The following CFAP74 variants were observed in gnomAD, a reference collection of about 807,000 sequenced individuals.
CFAP74 encodes cilia and flagella associated protein 74.
Under a neutral mutation model 188.9 loss-of-function variants are expected in CFAP74, and 124 were observed. The ratio of observed to expected loss-of-function variants is 0.66; its 90% CI spans 0.57 to 0.76. The LOEUF (loss-of-function observed/expected upper bound fraction) is 0.76. CFAP74 is among the 30% of genes least tolerant of loss of function. The probability of loss-of-function intolerance (pLI) is 0.00; values close to 1 mark genes in which losing one functional copy is unlikely to be tolerated. For missense variants in CFAP74, 2,198 were observed against 2,165.2 expected (o/e 1.02, Z -0.30); for synonymous variants, 956 against 916.7 (o/e 1.04, Z -0.77).
chr1:1,971,439 A>C (rs913854224), intron 9 of CFAP74, among the ~76,000 whole-genome samples: 1 of 152,166 alleles, frequency 6.6e-6, no homozygotes, highest in African/African-American at 2.4e-5. Flanking sequence ...GCAAACGTGC[A>C]CACACACATG....
intron 20 of CFAP74, among the ~76,000 whole-genome samples, chr1:1,945,947 G>A (rs1653731669): frequency 6.9e-6 from 1 of 144,432 alleles, no homozygotes; most frequent in Admixed American, 6.9e-5. Flanking sequence ...GTGTGTGTGG[G>A]GGCTCTGTGT....
Position 1,926,873 on chromosome 1 carries a change from T to C in CFAP74, c.3662+21A>G, listed in dbSNP as rs772990945. 7.7e-6 allele frequency: 12 copies of C among 1,549,868 alleles called. No individual in the cohort carries two copies. In the East Asian group the frequency reaches 2.2e-4, roughly 28 times the overall value. On this transcript the variant is annotated intron_variant, in intron 29 of 38. Coordinates refer to ENST00000682832, the MANE Select transcript of CFAP74 (RefSeq NM_001304360.2). ...GCGTTTGCGGCTGACCACACCCTGT[T>C]CTGGCCAGAGCACCCCGCACCTGAA...
At chr1:1,982,219 G>A (rs4648604) in intron 6 of CFAP74, among the ~76,000 whole-genome samples, 7 of 146,104 alleles carry the variant, frequency 4.8e-5, no homozygotes, top group Non-Finnish European at 9.1e-5. Flanking sequence ...GTGGTCACAC[G>A]CGGGGACACG....
Position 1,959,978 on chromosome 1 carries a change from T to A in CFAP74, c.1747A>T (p.Thr583Ser), listed in dbSNP as rs761505834. The change falls in exon 15 of 39, where the codon ACC becomes TCC. Residue 583 changes from threonine to serine, a missense_variant. By Grantham distance (58) the Thr-to-Ser change is moderately conservative. Transcript: ENST00000682832. ...SAGMSCEVLV[T>S]FKPMINKDLE... ...CTCTGACTCACCATCGGCTTGAAGG[T>A]GACAAGCACTTCACAGGACATTCCG... 1.9e-6 allele frequency: 3 copies of A among 1,592,136 alleles called. No individual in the cohort carries two copies. Among genetic ancestry groups the A allele is most frequent in the Non-Finnish European group, 2.6e-6 (3 of 1,170,458 alleles).
chr1:1,964,780 A>T, intron 13 of CFAP74, 108 bp downstream of exon 13: 1 of 1,161,828 alleles, frequency 8.6e-7, no homozygotes, highest in Non-Finnish European at 1.2e-6. Context: ...ACAGAGTGAG[A>T]CTCCATCTCA....
rs762324820 is a variant in CFAP74 at position 1,959,958 on chromosome 1, A to ACTCACCATC, written c.1758_1761+5dup. ...CTTCGAGAGAGAACGGGCCCCTCTG[A>ACTCACCATC]CTCACCATCGGCTTGAAGGTGACAA... On this transcript the variant is annotated splice_donor_region_variant and intron_variant, in intron 15 of 38. Transcript: ENST00000682832. The ACTCACCATC allele has an allele frequency of 5.7e-6, 9 of 1,584,472 alleles. No homozygotes were observed. The South Asian group carries it at 1.0e-4, about 18-fold the overall frequency.
chr1:1,930,411 T>G, intron 25 of CFAP74, 75 bp from the exon 26 acceptor site: 3 of 1,398,088 alleles, frequency 2.1e-6, no homozygotes, highest in Non-Finnish European at 1.9e-6. Flanking sequence ...CGGGGGCCAC[T>G]GGGTGGAGGA....
rs1485845264 is a variant in CFAP74, at chr1:1,926,210, G to A, written c.3948+18C>T. The stretch of plus-strand genomic sequence containing the variant: ...GAGCCTTGGGCCGCAGTGTGGCCAG[G>A]GTGGGCCTGGGACTCACCAGGATGC... On this transcript the variant is annotated intron_variant, in intron 32 of 38. Transcript: ENST00000682832. 6.7e-7 allele frequency: 1 copy of A among 1,485,098 alleles called. No individual in the cohort carries two copies. The highest frequency in any genetic ancestry group is 1.4e-5 in the African/African-American group (1 of 71,090). 92.0% of individuals were successfully genotyped at this position (1,485,098 alleles called of 1,614,324 possible). A position where few individuals can be genotyped will look rare whatever the true frequency, so the allele number is the denominator to read the frequency against.
chr1:1,969,570 G>T (rs976504424), intron 10 of CFAP74, among the ~76,000 whole-genome samples: 4 of 152,162 alleles, frequency 2.6e-5, no homozygotes, highest in African/African-American at 4.8e-5. Flanking sequence ...GGCTGGCGTG[G>T]GGCTGCCACT....
In CFAP74 at chr1:1,987,024, C is replaced by G; in HGVS notation, c.308G>C (p.Arg103Pro). 1 of 1,597,612 alleles carries G rather than the reference C, an allele frequency of 6.3e-7. No individual in the cohort carries two copies. The highest frequency in any genetic ancestry group is 8.5e-7 in the Non-Finnish European group (1 of 1,176,154). ...LFTEKMRGEL[R>P]ACRQRRDLID... is the part of the protein sequence containing the mutation. ...CAGGTCCCGCCTCTGCCGACAGGCG[C>G]GCAGCTCCCCTCTGGAACAGGGAAA... The change falls in exon 5 of 39, where the codon CGC (arginine) becomes CCC (proline). Residue 103 changes from arginine (R) to proline (P), a missense_variant. Coordinates refer to ENST00000682832, the MANE Select transcript of CFAP74 (RefSeq NM_001304360.2).
At chr1:1,982,719 G>A (rs910104310) in intron 6 of CFAP74, among the ~76,000 whole-genome samples, 19 of 152,216 alleles carry the variant, frequency 1.2e-4, no homozygotes, top group African/African-American at 3.1e-4. Flanking sequence ...GGTGGGCTCC[G>A]GGCGCTCGGG....
intron 6 of CFAP74, among the ~76,000 whole-genome samples, chr1:1,982,661 G>C (rs1306873056): frequency 6.6e-6 from 1 of 152,264 alleles, no homozygotes; most frequent in Non-Finnish European, 1.5e-5. Flanking sequence ...TTAAAGGAAA[G>C]TCCACGGGCA....
chr1:1,952,531 G>A (rs556225889), intron 18 of CFAP74, among the ~76,000 whole-genome samples: 12 of 149,692 alleles, frequency 8.0e-5, no homozygotes, highest in Middle Eastern at 3.4e-3. Context: ...ACATTGATGA[G>A]CAAGAAAGAA....
chr1:1,976,026 G>C (rs1042294843), intron 6 of CFAP74, among the ~76,000 whole-genome samples: 1 of 152,206 alleles, frequency 6.6e-6, no homozygotes, highest in African/African-American at 2.4e-5. Context: ...CAGCAGCTTC[G>C]ATGGCCTATG....
intron 18 of CFAP74, among the ~76,000 whole-genome samples, chr1:1,948,437 A>G (rs796959294): frequency 3.4e-5 from 5 of 146,320 alleles, no homozygotes; most frequent in African/African-American, 1.3e-4. Context: ...ATTTATGTGT[A>G]TATTGGTAGA....
intron 6 of CFAP74, among the ~76,000 whole-genome samples, chr1:1,979,684 G>A (rs113486695): frequency 0.018 from 2,269 of 125,628 alleles, 365 homozygotes; most frequent in Non-Finnish European, 0.026. Context: ...AAGGTGTCGC[G>A]TGACGAGGCT....
At chr1:1,962,845 T>C (rs4648739) in intron 14 of CFAP74, among the ~76,000 whole-genome samples, 35,782 of 152,036 alleles carry the variant, frequency 0.24, 4,322 homozygotes, top group East Asian at 0.27. Context: ...ACTGAGATCG[T>C]GCCACTGCAC....
Position 1,930,117 on chromosome 1 carries a change from C to A in CFAP74, c.3231G>T (p.Leu1077=). 6.5e-7 allele frequency: 1 copy of A among 1,535,126 alleles called. No individual in the cohort carries two copies. Among genetic ancestry groups the A allele is most frequent in the South Asian group, 1.2e-5 (1 of 84,052 alleles). The part of the protein sequence containing the change: ...PMGPTSFEFL[L]PPDSPITISP... ...AGATGGTGATAGGCGAGTCTGGGGG[C>A]AGCAGGAACTCGAAAGACGTGGGCC... is the stretch of plus-strand genomic sequence containing the variant. Residue 1077 remains leucine (L), a synonymous_variant, in exon 26 of 39, where the codon CTG becomes CTT. Transcript: ENST00000682832.
At chr1:1,999,947 T>C (rs563556752) in intron 1 of CFAP74, among the ~76,000 whole-genome samples, 2 of 152,130 alleles carry the variant, frequency 1.3e-5, no homozygotes, top group South Asian at 4.1e-4. Flanking sequence ...GGGCGGATCA[T>C]GAGGTCAGGA....
Sources: allele counts gnomAD v4.1 joint callset (sites outside exome capture counted in the v4.1 genomes callset), GRCh38; gene constraint gnomAD v4.1.1; transcripts MANE v1.5; gene names NCBI Gene and HGNC (gene_info 2026-07-23, HGNC 2026-07-21).